The following CCSER2 variants were observed in gnomAD, a reference collection of about 807,000 sequenced individuals.
CCSER2 encodes the protein coiled-coil serine rich protein 2.
A neutral mutation model predicts 92.3 loss-of-function variants in CCSER2; 46 were observed. The ratio of observed to expected loss-of-function variants is 0.50; its 90% CI spans 0.39 to 0.64. The LOEUF (loss-of-function observed/expected upper bound fraction) is 0.64. CCSER2 is among the 30% of genes least tolerant of loss of function. CCSER2 has a pLI of 0.00. For missense variants in CCSER2, 1,244 were observed against 1,238.9 expected, an observed-to-expected ratio of 1.00 and a Z score of -0.06; for synonymous variants, 433 against 431.4, an observed-to-expected ratio of 1.00 and a Z score of -0.04.
At chr10:84,378,459 A>T (rs1221975157) in intron 3 of CCSER2, among the ~76,000 whole-genome samples, 1 of 142,404 alleles carries the variant, frequency 7.0e-6, no homozygotes, top group African/African-American at 2.6e-5. Flanking sequence ...TTTGAGACGA[A>T]GTCTCGCTCT....
At chr10:84,467,352 ACTC>A (rs1846505918) in intron 7 of CCSER2, among the ~76,000 whole-genome samples, 1 of 151,782 alleles carries the variant, frequency 6.6e-6, no homozygotes. Flanking sequence ...AACATGTAAA[ACTC>A]CTTTCTTTCA....
chr10:84,500,036 C>A, intron 9 of CCSER2: 2 of 1,602,710 alleles, frequency 1.2e-6, no homozygotes, highest in South Asian at 2.2e-5. Context: ...ACCTGTTCCT[C>A]CCCAGCACCT....
intron 9 of CCSER2, among the ~76,000 whole-genome samples, chr10:84,489,393 A>C (rs1024029636): frequency 1.3e-5 from 2 of 152,104 alleles, no homozygotes; most frequent in Non-Finnish European, 2.9e-5. Flanking sequence ...CTAGGTCTCT[A>C]AGGACTTGCT....
chr10:84,406,176 T>C, intron 3 of CCSER2, among the ~76,000 whole-genome samples: 1 of 152,216 alleles, frequency 6.6e-6, no homozygotes, highest in East Asian at 1.9e-4. Context: ...AAATGTTACA[T>C]GCTGTATGAT....
At chr10:84,348,187 C>G (rs906415644) in intron 1 of CCSER2, among the ~76,000 whole-genome samples, 24 of 152,228 alleles carry the variant, frequency 1.6e-4, no homozygotes, top group Non-Finnish European at 2.6e-4. Context: ...GAAGGAGACT[C>G]CGTCTGCAAT....
chr10:84,494,105 A>G (rs1848315456), intron 9 of CCSER2, among the ~76,000 whole-genome samples: 1 of 152,172 alleles, frequency 6.6e-6, no homozygotes, highest in Admixed American at 6.5e-5. Context: ...GTAAATACAG[A>G]TGAAGCTTCA....
At chr10:84,332,372 T>C (rs1163665001) in intron 1 of CCSER2, among the ~76,000 whole-genome samples, 3 of 147,458 alleles carry the variant, frequency 2.0e-5, no homozygotes, top group African/African-American at 7.4e-5. Context: ...TTTTTTCTTA[T>C]TGTAGGCTTT....
chr10:84,385,675 T>G (rs1841161991), intron 3 of CCSER2, among the ~76,000 whole-genome samples: 1 of 152,104 alleles, frequency 6.6e-6, no homozygotes, highest in African/African-American at 2.4e-5. Flanking sequence ...GAAAAACTCT[T>G]CTGGACATTG....
intron 1 of CCSER2, among the ~76,000 whole-genome samples, chr10:84,355,421 T>G (rs1845111588): frequency 6.6e-6 from 1 of 152,206 alleles, no homozygotes; most frequent in African/African-American, 2.4e-5. Context: ...TATTTCTATT[T>G]ACCATTTATC....
intron 1 of CCSER2, among the ~76,000 whole-genome samples, chr10:84,341,037 CTTT>C (rs749153928): frequency 2.6e-5 from 3 of 115,166 alleles, no homozygotes; most frequent in Non-Finnish European, 1.7e-5. Context: ...CAATGTAACA[CTTT>C]TTTTTTTTTT....
intron 6 of CCSER2, among the ~76,000 whole-genome samples, chr10:84,440,233 C>A (rs1275156274): frequency 2.0e-5 from 3 of 152,126 alleles, no homozygotes; most frequent in Non-Finnish European, 4.4e-5. Context: ...ATTATGGCCT[C>A]TGAACTCTTA....
At chr10:84,413,651 T>C (rs1842760010) in intron 3 of CCSER2, among the ~76,000 whole-genome samples, 1 of 152,224 alleles carries the variant, frequency 6.6e-6, no homozygotes, top group African/African-American at 2.4e-5. Context: ...TGTATATATC[T>C]ATCAGGTCTA....
chr10:84,429,003 A>G (rs1393632840), intron 5 of CCSER2, among the ~76,000 whole-genome samples: 2 of 149,990 alleles, frequency 1.3e-5, no homozygotes, highest in South Asian at 2.1e-4. Flanking sequence ...ATATATATAT[A>G]TATATATATA....
At chr10:84,391,068 A>G (rs1464124441) in intron 3 of CCSER2, 1 of 779,110 alleles carries the variant, frequency 1.3e-6, no homozygotes, top group Non-Finnish European at 2.4e-6. Context: ...ACAAACCAGA[A>G]TATATTCAGA....
rs983502518 is a variant in CCSER2, at chr10:84,515,303, T to A, written c.*1036T>A. 6.6e-6 allele frequency: 1 copy of A among 152,626 alleles called. No homozygotes were observed. Among genetic ancestry groups the A allele is most frequent in the Non-Finnish European group, 1.5e-5 (1 of 68,046 alleles). 9.5% of individuals were successfully genotyped at this position (152,626 alleles called of 1,614,324 possible). A position where few individuals can be genotyped will look rare whatever the true frequency, so the allele number is the denominator to read the frequency against. ...CATATATAGGGATTGTAAACTATTT[T>A]CTATAGCAAAACAAGTTAAAATATT... On this transcript the variant is annotated 3_prime_UTR_variant, in exon 10 of 10. Coordinates refer to ENST00000372088, the MANE Select transcript of CCSER2 (RefSeq NM_001284240.2).
At chr10:84,495,109 A>G (rs1192916514) in intron 9 of CCSER2, among the ~76,000 whole-genome samples, 1 of 148,792 alleles carries the variant, frequency 6.7e-6, no homozygotes, top group East Asian at 2.0e-4. Context: ...TGTTTCCTAC[A>G]TATTATATAT....
At chr10:84,396,058 G>A (rs975603402) in intron 3 of CCSER2, among the ~76,000 whole-genome samples, 2 of 151,882 alleles carry the variant, frequency 1.3e-5, no homozygotes, top group African/African-American at 4.8e-5. Flanking sequence ...GAGCTCACAC[G>A]GATACCTTTG....
At chr10:84,424,550 A>G (rs866826431) in intron 4 of CCSER2, among the ~76,000 whole-genome samples, 13 of 152,284 alleles carry the variant, frequency 8.5e-5, no homozygotes, top group South Asian at 4.1e-4. Context: ...TAAAACTACA[A>G]TATCCTTTTT....
chr10:84,497,407 A>C (rs1848510781), intron 9 of CCSER2, among the ~76,000 whole-genome samples: 1 of 152,214 alleles, frequency 6.6e-6, no homozygotes, highest in Non-Finnish European at 1.5e-5. Context: ...TGGCGGTGGC[A>C]GGCAGCGCTG....
Sources: gnomAD v4.1 joint callset for allele counts (sites outside exome capture counted in the v4.1 genomes callset) on GRCh38, gnomAD v4.1.1 for gene constraint, MANE v1.5 for transcripts, NCBI Gene and HGNC (gene_info 2026-07-23, HGNC 2026-07-21) for gene names.